Variants in RBMS1 observed in about 807,000 individuals in gnomAD.
The protein encoded by RBMS1 is RNA binding motif single stranded interacting protein 1, also known as RNA-binding motif, single-stranded-interacting protein 1.
Under a neutral mutation model 62.3 loss-of-function variants are expected in RBMS1, and 17 were observed. The observed-to-expected ratio is 0.27, with a 90% CI of 0.19 to 0.41. RBMS1 has a LOEUF of 0.41. Among genes scored for constraint, RBMS1 ranks in the 10% least tolerant of loss-of-function variants. The pLI is 1.00. For synonymous variants in RBMS1, 172 were observed against 170.0 expected (o/e 1.01, Z -0.09); for missense variants, 334 against 504.5 (o/e 0.66, Z 3.24).
At chr2:160,393,806 A>C (rs1277131945) in intron 1 of RBMS1, among the ~76,000 whole-genome samples, 2 of 151,972 alleles carry the variant, frequency 1.3e-5, no homozygotes, top group African/African-American at 2.4e-5. Flanking sequence ...AAAACAAGAA[A>C]AAGAAAAAAA....
Position 160,318,020 on chromosome 2 carries a change from T to A in RBMS1, c.310+149A>T, listed in dbSNP as rs564277920. Reference sequence around the variant, plus strand: ...CAACCAGGGACAAATGTAAGTAATATGCTGACACTGTGCAAGACAGAAACT... The same window carrying A: ...CAACCAGGGACAAATGTAAGTAATAAGCTGACACTGTGCAAGACAGAAACT... On this transcript the variant is annotated intron_variant, in intron 3 of 13. Transcript: ENST00000348849. 4 of 1,195,292 alleles carry A rather than the reference T, an allele frequency of 3.3e-6. No homozygotes were observed. In the East Asian group the frequency reaches 1.2e-4, roughly 35 times the overall value. The allele number at this position is 1,195,292 out of a possible 1,614,324, so 74.0% of individuals were successfully genotyped here. A position where few individuals can be genotyped will look rare whatever the true frequency, so the allele number is the denominator to read the frequency against.
chr2:160,411,066 A>G (rs1696012036), intron 1 of RBMS1, among the ~76,000 whole-genome samples: 2 of 152,144 alleles, frequency 1.3e-5, no homozygotes, highest in South Asian at 4.1e-4. Context: ...TTCAAGGGAA[A>G]CAGACTTTGC....
chr2:160,481,358 T>TAAAAAAAA (rs373909477), intron 1 of RBMS1, among the ~76,000 whole-genome samples: 1 of 127,080 alleles, frequency 7.9e-6, no homozygotes, highest in Non-Finnish European at 1.7e-5. Context: ...GTAGGAAATG[T>TAAAAAAAA]AAAAAAAAAA....
At chr2:160,300,804 A>T in intron 5 of RBMS1, 74 bp from the exon 6 acceptor site, 1 of 1,385,910 alleles carries the variant, frequency 7.2e-7, no homozygotes, top group South Asian at 1.7e-5. Flanking sequence ...TGCATGCATA[A>T]ACATTCTTAT....
chr2:160,439,860 C>T (rs1311932722), intron 1 of RBMS1, among the ~76,000 whole-genome samples: 2 of 152,114 alleles, frequency 1.3e-5, no homozygotes, highest in Admixed American at 6.5e-5. Flanking sequence ...GGAGACCAGC[C>T]CGGCCAACAC....
chr2:160,345,930 T>C (rs1473030508), intron 2 of RBMS1, among the ~76,000 whole-genome samples: 2 of 152,128 alleles, frequency 1.3e-5, no homozygotes, highest in Admixed American at 6.6e-5. Context: ...AAAATTGGTA[T>C]TGCAAGCAGA....
At chr2:160,278,175 TA>T (rs1383401742) in intron 11 of RBMS1, 4 of 244,562 alleles carry the variant, frequency 1.6e-5, no homozygotes, top group Non-Finnish European at 2.4e-5. Flanking sequence ...CCAAACTCCA[TA>T]AAAGAAGAAA....
chr2:160,463,793 C>A (rs992152959), intron 1 of RBMS1, among the ~76,000 whole-genome samples: 2 of 152,082 alleles, frequency 1.3e-5, no homozygotes, highest in Non-Finnish European at 2.9e-5. Context: ...CTCAAAAAAA[C>A]AAAACAGCAG....
At chr2:160,440,766 C>T (rs1277012112) in intron 1 of RBMS1, among the ~76,000 whole-genome samples, 1 of 152,248 alleles carries the variant, frequency 6.6e-6, no homozygotes, top group East Asian at 1.9e-4. Flanking sequence ...GCAGCTATCA[C>T]CTTCTCCCAA....
intron 2 of RBMS1, among the ~76,000 whole-genome samples, chr2:160,363,520 C>T (rs1693240758): frequency 2.0e-5 from 3 of 151,808 alleles, no homozygotes; most frequent in African/African-American, 7.3e-5. Flanking sequence ...TCCTGTCACA[C>T]TGTAGGGAGG....
At chr2:160,465,455 C>G (rs534194683) in intron 1 of RBMS1, among the ~76,000 whole-genome samples, 1 of 152,268 alleles carries the variant, frequency 6.6e-6, no homozygotes, top group East Asian at 1.9e-4. Context: ...AAAGAAGCAC[C>G]GCTTTTTTGG....
chr2:160,365,233 G>GAGAT (rs1399117909), intron 2 of RBMS1, among the ~76,000 whole-genome samples: 12 of 152,120 alleles, frequency 7.9e-5, no homozygotes, highest in African/African-American at 2.9e-4. Context: ...AGCAAATTTT[G>GAGAT]AGATAGACTC....
At chr2:160,430,629 T>C (rs769510380) in intron 1 of RBMS1, among the ~76,000 whole-genome samples, 2 of 152,224 alleles carry the variant, frequency 1.3e-5, no homozygotes, top group Non-Finnish European at 2.9e-5. Context: ...ATCTAAACAA[T>C]TGTATTCATT....
intron 1 of RBMS1, among the ~76,000 whole-genome samples, chr2:160,381,131 C>T (rs982457003): frequency 3.3e-5 from 5 of 152,120 alleles, no homozygotes; most frequent in African/African-American, 4.8e-5. Context: ...TCTCTGTTCT[C>T]CCTAATTGCA....
intron 1 of RBMS1, among the ~76,000 whole-genome samples, chr2:160,429,119 A>G (rs1365118415): frequency 6.6e-6 from 1 of 152,268 alleles, no homozygotes; most frequent in African/African-American, 2.4e-5. Context: ...CTTTTTAGCC[A>G]GGGAAAATGA....
intron 1 of RBMS1, among the ~76,000 whole-genome samples, chr2:160,441,354 G>C (rs1054221406): frequency 1.3e-5 from 2 of 152,160 alleles, no homozygotes; most frequent in Non-Finnish European, 2.9e-5. Flanking sequence ...GTGAACCTAT[G>C]TTTTTATTTC....
chr2:160,426,223 A>G lies in RBMS1; in HGVS notation c.76-58832T>C, dbSNP rs145645499. ...GGAAGAAAGAGAGAGAGACAGAAGA[A>G]AGAAAGAAAGAAAGAAAGAAAGAAA... On this transcript the variant is annotated intron_variant, in intron 1 of 13. Transcript: ENST00000348849. Among the ~76,000 whole-genome samples, 477 of 62,926 alleles carry G rather than the reference A, an allele frequency of 7.6e-3. 5 individuals are homozygous for G. The highest frequency in any genetic ancestry group is 0.029 in the African/African-American group (421 of 14,766). 41.3% of individuals were successfully genotyped at this position (62,926 alleles called of 152,430 possible). A position where few individuals can be genotyped will look rare whatever the true frequency, so the allele number is the denominator to read the frequency against.
At chr2:160,476,570 T>C (rs1487088556) in intron 1 of RBMS1, among the ~76,000 whole-genome samples, 2 of 148,028 alleles carry the variant, frequency 1.4e-5, no homozygotes, top group African/African-American at 2.5e-5. Flanking sequence ...TTTTTTTTTT[T>C]TTGAGACAGA....
At chr2:160,305,974 A>G (rs1249697433) in intron 4 of RBMS1, among the ~76,000 whole-genome samples, 1 of 152,130 alleles carries the variant, frequency 6.6e-6, no homozygotes, top group Non-Finnish European at 1.5e-5. Context: ...ATCTCTTAAA[A>G]AAAAGTCAGC....
Sources: allele counts gnomAD v4.1 joint callset (sites outside exome capture counted in the v4.1 genomes callset), GRCh38; gene constraint gnomAD v4.1.1; transcripts MANE v1.5; gene names NCBI Gene and HGNC (gene_info 2026-07-23, HGNC 2026-07-21).